SKOR2: variants seen among roughly 807,000 people sequenced by gnomAD.
SKOR2 encodes the protein SKI family transcriptional corepressor 2, also known as LBX1 corepressor 1-like protein.
A neutral mutation model predicts 69.1 loss-of-function variants in SKOR2; 47 were observed. That is an observed-to-expected ratio of 0.68 (90% CI 0.54 to 0.87). The LOEUF (loss-of-function observed/expected upper bound fraction) is 0.87, where lower values mean the gene tolerates loss of function less well. Ranked by LOEUF, SKOR2 falls within the 40% of genes least tolerant of loss-of-function variation. SKOR2 has a pLI of 0.00. For missense variants in SKOR2, 1,404 were observed against 1,472.2 expected, an observed-to-expected ratio of 0.95 and a Z score of 0.76; for synonymous variants, 717 against 672.6, an observed-to-expected ratio of 1.07 and a Z score of -1.02.
chr18:47,213,956 A>G (rs1185919361), intron 7 of SKOR2, among the ~76,000 whole-genome samples: 4 of 152,228 alleles, frequency 2.6e-5, no homozygotes, highest in Non-Finnish European at 4.4e-5. Context: ...TAGATGCATG[A>G]CATGACAGAG....
chr18:47,235,661 C>A (rs1197622282), intron 4 of SKOR2, among the ~76,000 whole-genome samples: 1 of 150,978 alleles, frequency 6.6e-6, no homozygotes, highest in African/African-American at 2.4e-5. Context: ...TCTGCCCTCA[C>A]ATGTCATTAG....
At position 47,247,429 on chromosome 18, in the gene SKOR2, T is replaced by G; in HGVS notation, c.1755A>C (p.Ala585=). 7.8e-7 allele frequency: 1 copy of G among 1,283,104 alleles called. No homozygotes were observed. Among genetic ancestry groups the G allele is most frequent in the Admixed American group, 4.2e-5 (1 of 23,566 alleles). The allele number at this position is 1,283,104 out of a possible 1,614,324, so 79.5% of individuals were successfully genotyped here. Reference sequence around the variant, plus strand: ...GGCCAGACCCGGCGGCCGCGGCCCCTGCCCCGGCAGCTGCCACAGAGTCCG... The same window carrying G: ...GGCCAGACCCGGCGGCCGCGGCCCCGGCCCCGGCAGCTGCCACAGAGTCCG... ...PPADSVAAAG[A]GAAAAGSGPA... The change falls in exon 2 of 9, where the codon GCA becomes GCC. Residue 585 remains alanine (A), a synonymous_variant. Coordinates refer to ENST00000425639, the MANE Select transcript of SKOR2 (RefSeq NM_001278063.4). The surrounding 1 kb of genome is among the most constrained non-coding windows in gnomAD (Gnocchi z 6.6).
intron 7 of SKOR2, among the ~76,000 whole-genome samples, chr18:47,212,489 T>C (rs1226348099): frequency 6.6e-6 from 1 of 152,222 alleles, no homozygotes; most frequent in East Asian, 1.9e-4. Flanking sequence ...AGTTACGATG[T>C]TCTAATGTAT....
At chr18:47,227,567 G>A (rs987990032) in intron 6 of SKOR2, among the ~76,000 whole-genome samples, 2 of 152,060 alleles carry the variant, frequency 1.3e-5, no homozygotes, top group Admixed American at 1.3e-4. Flanking sequence ...CTGACCTCAA[G>A]TGATCTGCCT....
rs2064293835 is a variant in SKOR2 at position 47,248,377 on chromosome 18, C to G, written c.807G>C (p.Ala269=). The change falls in exon 2 of 9, where the codon GCG becomes GCC. Residue 269 remains alanine, a synonymous_variant. Coordinates refer to ENST00000425639, the MANE Select transcript of SKOR2 (RefSeq NM_001278063.4). This position sits in a 1 kb window ranked among gnomAD's most constrained non-coding sequence, Gnocchi z 6.4. ...VKAAAVAAAA[A]VAGGGGLLGP... ...CCAGCAGACCCCCGCCTCCGGCCAC[C>G]GCGGCCGCGGCGGCCACGGCGGCCG... 7.7e-7 allele frequency: 1 copy of G among 1,295,516 alleles called. No homozygotes were observed. Among genetic ancestry groups the G allele is most frequent in the Non-Finnish European group, 9.7e-7 (1 of 1,031,140 alleles). The allele number at this position is 1,295,516 out of a possible 1,614,324, so 80.3% of individuals were successfully genotyped here. A position where few individuals can be genotyped will look rare whatever the true frequency, so the allele number is the denominator to read the frequency against.
chr18:47,229,891 C>A (rs1234569247), intron 6 of SKOR2, among the ~76,000 whole-genome samples: 1 of 152,064 alleles, frequency 6.6e-6, no homozygotes, highest in African/African-American at 2.4e-5. Flanking sequence ...ATATCTCCTG[C>A]CTCTAAATTC....
At chr18:47,227,363 A>C (rs1449653389) in intron 6 of SKOR2, among the ~76,000 whole-genome samples, 1 of 101,092 alleles carries the variant, frequency 9.9e-6, no homozygotes, top group African/African-American at 4.0e-5. Flanking sequence ...TTGGAGACGG[A>C]GTCTCCCTGT....
chr18:47,247,855 G>A lies in SKOR2; in HGVS notation c.1329C>T (p.Gly443=). Residue 443 remains glycine, a synonymous_variant, in exon 2 of 9, where the codon GGC becomes GGT. Coordinates refer to ENST00000425639, the MANE Select transcript of SKOR2 (RefSeq NM_001278063.4). The surrounding 1 kb of genome is among the most constrained non-coding windows in gnomAD (Gnocchi z 6.6). ...ALGGAGAGGA[G]AAPKAGLSGL... ...CGGACAAGCCGGCCTTGGGCGCCGC[G>A]CCCGCGCCGCCTGCGCCCGCGCCCC... 1.5e-6 allele frequency: 2 copies of A among 1,358,690 alleles called. No individual in the cohort carries two copies. Among genetic ancestry groups the A allele is most frequent in the South Asian group, 1.8e-5 (1 of 55,460 alleles). 84.2% of individuals were successfully genotyped at this position (1,358,690 alleles called of 1,614,324 possible).
intron 8 of SKOR2, among the ~76,000 whole-genome samples, chr18:47,208,324 T>C (rs964135317): frequency 1.3e-5 from 2 of 152,208 alleles, no homozygotes; most frequent in African/African-American, 4.8e-5. Flanking sequence ...AGGATCTGCC[T>C]TACAGCATTG....
In SKOR2 at chr18:47,230,986, C is replaced by T; in HGVS notation, c.2767G>A (p.Glu923Lys). The change falls in exon 5 of 9, where the codon GAA becomes AAA. Residue 923 changes from glutamate (E) to lysine (K), a missense_variant. This residue lies in a region of SKOR2 where 1,266 missense variants were observed against 1,309.9 expected (regional missense o/e 0.97). Coordinates refer to ENST00000425639, the MANE Select transcript of SKOR2 (RefSeq NM_001278063.4). Reference sequence around the variant, plus strand: ...TTCAGTGAATGAGGTGAGTTGGTTTCTTGTGTATGTTCACCTTTTAAAAAA... The same window carrying T: ...TTCAGTGAATGAGGTGAGTTGGTTTTTTGTGTATGTTCACCTTTTAAAAAA... ...WRERSGEHTQETNSPHSLKKD... is the reference protein window; with the variant it reads ...WRERSGEHTQKTNSPHSLKKD... 6.6e-7 allele frequency: 1 copy of T among 1,525,602 alleles called. No homozygotes were observed. Among genetic ancestry groups the T allele is most frequent in the Non-Finnish European group, 8.8e-7 (1 of 1,141,124 alleles). 94.5% of individuals were successfully genotyped at this position (1,525,602 alleles called of 1,614,324 possible).
In SKOR2 at chr18:47,212,116, C is replaced by A. The variant is rs2064129709; in HGVS notation, c.3021G>T (p.Lys1007Asn). ...AGCTTTTGCTGAGATGGGCGCCAAG[C>A]TTTTCTTTCCTGATCAAACTTGCTG... ...PYAASLIRKEKLGAHLSKS is the reference protein window; with the variant it reads ...PYAASLIRKENLGAHLSKS The change falls in exon 8 of 9, where the codon AAG becomes AAT. Residue 1007 changes from lysine to asparagine, a missense_variant. Physicochemically the swap from Lys to Asn is moderately conservative, Grantham distance 94. This residue lies in a region of SKOR2 where 1,266 missense variants were observed against 1,309.9 expected (regional missense o/e 0.97). Coordinates refer to ENST00000425639, the MANE Select transcript of SKOR2 (RefSeq NM_001278063.4). 1.6e-6 allele frequency: 2 copies of A among 1,231,924 alleles called. No homozygotes were observed. Among genetic ancestry groups the A allele is most frequent in the African/African-American group, 1.6e-5 (1 of 64,416 alleles). 76.3% of individuals were successfully genotyped at this position (1,231,924 alleles called of 1,614,324 possible). A position where few individuals can be genotyped will look rare whatever the true frequency, so the allele number is the denominator to read the frequency against.
intron 4 of SKOR2, among the ~76,000 whole-genome samples, chr18:47,231,345 G>C (rs567453969): frequency 1.3e-5 from 2 of 152,246 alleles, no homozygotes; most frequent in African/African-American, 4.8e-5. Flanking sequence ...AAGATTTCTG[G>C]TAGAAATCTG....
At chr18:47,244,782 G>T in intron 4 of SKOR2, 126 bp downstream of exon 4, 2 of 791,724 alleles carry the variant, frequency 2.5e-6, no homozygotes, top group South Asian at 2.4e-5. Flanking sequence ...GTTTTTCTTA[G>T]TTATATCTAC....
At chr18:47,209,287 T>G (rs910675707) in intron 8 of SKOR2, among the ~76,000 whole-genome samples, 1 of 152,224 alleles carries the variant, frequency 6.6e-6, no homozygotes, top group African/African-American at 2.4e-5. Flanking sequence ...CACTGCATAC[T>G]ACCTTAAGGG....
intron 4 of SKOR2, among the ~76,000 whole-genome samples, chr18:47,244,141 T>G (rs1194620210): frequency 6.6e-6 from 1 of 152,244 alleles, no homozygotes; most frequent in Non-Finnish European, 1.5e-5. Flanking sequence ...AAGATTCCTT[T>G]AAGATCCTAT....
At position 47,248,400 on chromosome 18, in the gene SKOR2, C is replaced by T. The variant is rs1485890207; in HGVS notation, c.784G>A (p.Ala262Thr). Residue 262 changes from alanine to threonine, a missense_variant, in exon 2 of 9, where the codon GCC (alanine) becomes ACC (threonine). Coordinates refer to ENST00000425639, the MANE Select transcript of SKOR2 (RefSeq NM_001278063.4). This position sits in a 1 kb window ranked among gnomAD's most constrained non-coding sequence, Gnocchi z 6.4. Reference protein sequence around the residue: ...ACHPLSSVKAAAVAAAAAVAG... With the variant: ...ACHPLSSVKATAVAAAAAVAG... ...ACCGCGGCCGCGGCGGCCACGGCGG[C>T]CGCCTTCACAGAGCTGAGCGGGTGG... 3 of 1,347,932 alleles carry T rather than the reference C, an allele frequency of 2.2e-6. No individual in the cohort carries two copies. The highest frequency in any genetic ancestry group is 2.8e-6 in the Non-Finnish European group (3 of 1,058,684). The allele number at this position is 1,347,932 out of a possible 1,614,324, so 83.5% of individuals were successfully genotyped here.
Position 47,234,819 on chromosome 18 carries a change from C to T in SKOR2, c.2753-3819G>A, listed in dbSNP as rs1024717969. Among the ~76,000 whole-genome samples the T allele has an allele frequency of 3.2e-4, 45 of 140,288 alleles. 1 individual carries two copies. The highest frequency in any genetic ancestry group is 2.7e-4 in the Non-Finnish European group (18 of 66,098). The allele number at this position is 140,288 out of a possible 152,430, so 92.0% of individuals were successfully genotyped here. Reference sequence around the variant, plus strand: ...GAGATTGCAGTAAACCGAGATCACGCCACTGCATTCTAGTCTGGGTGACAG... The same window carrying T: ...GAGATTGCAGTAAACCGAGATCACGTCACTGCATTCTAGTCTGGGTGACAG... On this transcript the variant is annotated intron_variant, in intron 4 of 8. Transcript: ENST00000425639.
intron 6 of SKOR2, among the ~76,000 whole-genome samples, chr18:47,226,277 A>C (rs2064178315): frequency 6.6e-6 from 1 of 152,234 alleles, no homozygotes. Context: ...TGCAGTGGCA[A>C]ACATAACTTC....
At chr18:47,234,482 C>T (rs1328638008) in intron 4 of SKOR2, 1 of 152,128 alleles carries the variant, frequency 6.6e-6, no homozygotes, top group Non-Finnish European at 1.5e-5. Context: ...GTTATCCTTG[C>T]ACAGGGGCCA....
Sources: allele counts gnomAD v4.1 joint callset (sites outside exome capture counted in the v4.1 genomes callset), GRCh38; gene constraint gnomAD v4.1.1; regional missense constraint gnomAD v4.1.1; non-coding constraint Gnocchi (gnomAD v3.1); transcripts MANE v1.5; gene names NCBI Gene and HGNC (gene_info 2026-07-23, HGNC 2026-07-21).